Variants in MCC observed in about 807,000 individuals in gnomAD.
MCC encodes colorectal mutant cancer protein.
Under a neutral mutation model 116.2 loss-of-function variants are expected in MCC, and 90 were observed. The observed-to-expected ratio is 0.77, with a 90% CI of 0.65 to 0.92. The LOEUF is 0.92. Among genes scored for constraint, MCC ranks in the 40% least tolerant of loss-of-function variants. The pLI is 0.00. For synonymous variants in MCC, 578 were observed against 510.5 expected (o/e 1.13, Z -1.78); for missense variants, 1,516 against 1,312.2 (o/e 1.16, Z -2.40).
At chr5:113,073,446 CT>C (rs1276420752) in intron 11 of MCC, among the ~76,000 whole-genome samples, 1 of 152,202 alleles carries the variant, frequency 6.6e-6, no homozygotes. Flanking sequence ...TTCGAAAACC[CT>C]TTAATGACTT....
intron 14 of MCC, among the ~76,000 whole-genome samples, chr5:113,061,300 C>A (rs1340993088): frequency 6.6e-6 from 1 of 152,200 alleles, no homozygotes; most frequent in Non-Finnish European, 1.5e-5. Context: ...TGTGGCCGAT[C>A]CTGTCTTGGC....
chr5:113,472,266 C>G (rs1160382367), intron 1 of MCC, among the ~76,000 whole-genome samples: 1 of 152,206 alleles, frequency 6.6e-6, no homozygotes, highest in Non-Finnish European at 1.5e-5. Context: ...ACGCTGGGAG[C>G]TGTAGACCGG....
intron 2 of MCC, among the ~76,000 whole-genome samples, chr5:113,377,215 G>A (rs79202207): frequency 0.031 from 4,669 of 152,174 alleles, 230 homozygotes; most frequent in African/African-American, 0.11. Flanking sequence ...AAGTATTAGA[G>A]TTGGGTGTTT....
chr5:113,185,394 G>A (rs1761851872), intron 3 of MCC, among the ~76,000 whole-genome samples: 1 of 152,152 alleles, frequency 6.6e-6, no homozygotes, highest in Admixed American at 6.5e-5. Flanking sequence ...AAGAAGGCAT[G>A]AACACTTGAC....
At chr5:113,404,885 T>A (rs1030701128) in intron 1 of MCC, among the ~76,000 whole-genome samples, 1 of 152,052 alleles carries the variant, frequency 6.6e-6, no homozygotes. Flanking sequence ...TAGTAAAATA[T>A]GTATCTGCAG....
At chr5:113,057,408 T>C (rs1006082992) in intron 14 of MCC, among the ~76,000 whole-genome samples, 5 of 151,938 alleles carry the variant, frequency 3.3e-5, no homozygotes, top group Non-Finnish European at 7.4e-5. Context: ...GGAGAGATGG[T>C]AGCAGCTTGG....
intron 5 of MCC, among the ~76,000 whole-genome samples, chr5:113,126,285 C>G (rs758051366): frequency 3.1e-4 from 47 of 152,162 alleles, no homozygotes; most frequent in Non-Finnish European, 5.7e-4. Flanking sequence ...AAATCACAGG[C>G]TGGCAGACTG....
chr5:113,329,852 C>G (rs1421398679), intron 3 of MCC, among the ~76,000 whole-genome samples: 8 of 152,194 alleles, frequency 5.3e-5, no homozygotes, highest in African/African-American at 1.7e-4. Context: ...GAAAGCAGGG[C>G]TCCCTTCTAC....
At chr5:113,467,898 A>G (rs1321531633) in intron 1 of MCC, among the ~76,000 whole-genome samples, 1 of 152,180 alleles carries the variant, frequency 6.6e-6, no homozygotes, top group Non-Finnish European at 1.5e-5. Flanking sequence ...GAGGTCCTTC[A>G]CATCCCTTGT....
chr5:113,085,597 C>T (rs1044402819), intron 8 of MCC, among the ~76,000 whole-genome samples: 11 of 152,224 alleles, frequency 7.2e-5, no homozygotes, highest in South Asian at 4.2e-4. Context: ...ATATTCTTAA[C>T]GGAATCTGCC....
chr5:113,228,618 C>T (rs547435198), intron 3 of MCC, among the ~76,000 whole-genome samples: 1 of 152,090 alleles, frequency 6.6e-6, no homozygotes, highest in African/African-American at 2.4e-5. Context: ...ATACAGGGCC[C>T]ACTTTCAGGA....
chr5:113,444,386 A>G lies in MCC; in HGVS notation c.170+43859T>C, dbSNP rs75090608. On this transcript the variant is annotated intron_variant, in intron 1 of 18. Coordinates refer to ENST00000408903, the MANE Select transcript of MCC (RefSeq NM_001085377.2). ...GACAGAGATTGGGATTACTACATCT[A>G]TAGTTGTAGGTTCTAAATGGATCCT... Among the ~76,000 whole-genome samples the G allele has an allele frequency of 2.0e-3, 308 of 152,318 alleles. 5 individuals are homozygous for G. Among genetic ancestry groups the G allele is most frequent in the East Asian group, 0.02 (102 of 5,178 alleles).
At chr5:113,259,707 C>T (rs1765151504) in intron 3 of MCC, among the ~76,000 whole-genome samples, 1 of 151,976 alleles carries the variant, frequency 6.6e-6, no homozygotes, top group Admixed American at 6.6e-5. Flanking sequence ...CCCATTTATG[C>T]CTAGTGTTCC....
Position 113,071,182 on chromosome 5 carries a change from C to G in MCC, c.1837G>C (p.Glu613Gln). ...ATCCTCTCGGCATTGCTTTTACATT[C>G]CTCCAAGGTTATGGTCAGGAGGTCA... ...QNDLLTITLE[E>Q]CKSNAERMSM... The change falls in exon 12 of 19, where the codon GAA (glutamate) becomes CAA (glutamine). Residue 613 changes from glutamate to glutamine, a missense_variant. Transcript: ENST00000408903. 6.2e-7 allele frequency: 1 copy of G among 1,614,148 alleles called. No homozygotes were observed.
At chr5:113,323,999 A>T (rs949937627) in intron 3 of MCC, among the ~76,000 whole-genome samples, 6 of 152,252 alleles carry the variant, frequency 3.9e-5, no homozygotes, top group Admixed American at 3.3e-4. Flanking sequence ...AATGACCAGG[A>T]AAGATTTGAA....
chr5:113,073,667 T>TC (rs2150235829), intron 11 of MCC, among the ~76,000 whole-genome samples: 1 of 151,996 alleles, frequency 6.6e-6, no homozygotes, highest in African/African-American at 2.4e-5. Flanking sequence ...TTTTTTTTTT[T>TC]TTTCTTTTAA....
intron 3 of MCC, among the ~76,000 whole-genome samples, chr5:113,329,556 T>C (rs933146047): frequency 3.3e-5 from 5 of 152,136 alleles, no homozygotes; most frequent in African/African-American, 4.8e-5. Flanking sequence ...ATTCTATACA[T>C]AACTTTTATA....
At chr5:113,361,465 A>G (rs1222409600) in intron 2 of MCC, among the ~76,000 whole-genome samples, 2 of 152,168 alleles carry the variant, frequency 1.3e-5, no homozygotes, top group East Asian at 3.9e-4. Context: ...GTACTGCTTG[A>G]GTTGCATTTC....
At chr5:113,080,116 C>G (rs535575295) in intron 11 of MCC, among the ~76,000 whole-genome samples, 2 of 152,306 alleles carry the variant, frequency 1.3e-5, no homozygotes, top group East Asian at 3.9e-4. Flanking sequence ...CCATCTCACA[C>G]CAGTTAGAAT....
Sources: gnomAD v4.1 joint callset for allele counts (sites outside exome capture counted in the v4.1 genomes callset) on GRCh38, gnomAD v4.1.1 for gene constraint, MANE v1.5 for transcripts, NCBI Gene and HGNC (gene_info 2026-07-23, HGNC 2026-07-21) for gene names.